The following ZNF616 variants were observed in gnomAD, a reference collection of about 807,000 sequenced individuals.
The protein encoded by ZNF616 is zinc finger protein 616.
ZNF616 carries 5 observed loss-of-function variants against 7.6 expected under a neutral mutation model. The ratio of observed to expected loss-of-function variants is 0.66; its 90% CI spans 0.34 to 1.38. ZNF616 has a LOEUF of 1.38. ZNF616 is among the 40% of genes most tolerant of loss of function. The pLI is 0.04. For synonymous variants in ZNF616, 319 were observed against 317.2 expected, an observed-to-expected ratio of 1.01 and a Z score of -0.06; for missense variants, 913 against 948.3, an observed-to-expected ratio of 0.96 and a Z score of 0.49.
rs141829596 is a variant in ZNF616 at position 52,115,079 on chromosome 19, G to T, written c.2085C>A (p.Gly695=). ...GKKPYKCDEC[G]KVFRHSSHLV... is the part of the protein sequence containing the mutation. ...GATGTGAACTATGCCTGAATACCTT[G>T]CCACATTCATCACATTTATATGGTT... The change falls in exon 4 of 4, where the codon GGC becomes GGA. Residue 695 remains glycine, a synonymous_variant. Transcript: ENST00000600228. 1.2e-6 allele frequency: 2 copies of T among 1,613,980 alleles called. No homozygotes were observed. The highest frequency in any genetic ancestry group is 1.7e-6 in the Non-Finnish European group (2 of 1,180,016).
intron 2 of ZNF616, among the ~76,000 whole-genome samples, chr19:52,128,515 G>A (rs971350382): frequency 1.3e-5 from 2 of 152,112 alleles, no homozygotes; most frequent in Admixed American, 6.5e-5. Context: ...GGCCAAAGCG[G>A]GTGGATCACC....
chr19:52,129,751 C>A (rs2088941312), intron 2 of ZNF616, among the ~76,000 whole-genome samples: 1 of 151,774 alleles, frequency 6.6e-6, no homozygotes. Context: ...TAAAATCAGG[C>A]AGAAAGATCT....
At chr19:52,126,641 G>A (rs1033500349) in intron 2 of ZNF616, among the ~76,000 whole-genome samples, 5 of 152,018 alleles carry the variant, frequency 3.3e-5, no homozygotes, top group African/African-American at 1.2e-4. Context: ...GGTGGCACGT[G>A]CCTGTAGTCC....
At chr19:52,137,053 G>GTGTATATATATATATATATATATATATA (rs958896902) in intron 1 of ZNF616, among the ~76,000 whole-genome samples, 50 of 143,706 alleles carry the variant, frequency 3.5e-4, no homozygotes, top group Middle Eastern at 3.7e-3. Context: ...TTATGTATGT[G>GTGTATATATATATATATATATATATATA]TATATATATA....
At chr19:52,121,078 T>G (rs1309167896) in intron 3 of ZNF616, among the ~76,000 whole-genome samples, 2 of 152,206 alleles carry the variant, frequency 1.3e-5, no homozygotes, top group Non-Finnish European at 2.9e-5. Flanking sequence ...TTGTTGAGGC[T>G]GAGTCTCGCT....
intron 2 of ZNF616, among the ~76,000 whole-genome samples, chr19:52,124,268 A>G (rs2088887917): frequency 6.6e-6 from 1 of 152,236 alleles, no homozygotes; most frequent in Non-Finnish European, 1.5e-5. Flanking sequence ...TTTGTGGACA[A>G]TACAAGAAAT....
intron 1 of ZNF616, among the ~76,000 whole-genome samples, chr19:52,138,293 T>C (rs2089030569): frequency 6.6e-6 from 1 of 152,224 alleles, no homozygotes; most frequent in African/African-American, 2.4e-5. Flanking sequence ...TGTGGCTAAA[T>C]AGGGATTCCA....
In ZNF616 at chr19:52,116,771, T is replaced by A; in HGVS notation, c.393A>T (p.Val131=). 6.2e-7 allele frequency: 1 copy of A among 1,614,216 alleles called. No individual in the cohort carries two copies. The highest frequency in any genetic ancestry group is 8.5e-7 in the Non-Finnish European group (1 of 1,180,034). Residue 131 remains valine (V), a synonymous_variant, in exon 4 of 4, where the codon GTA becomes GTT. Transcript: ENST00000600228. ...GKRDQHSQGD[V]ENNHIENQLT... ...GCTGGTTTTCAATATGATTGTTTTC[T>A]ACATCCCCTTGACTATGTTGATCTC...
At chr19:52,127,100 G>A (rs986158703) in intron 2 of ZNF616, among the ~76,000 whole-genome samples, 1 of 151,860 alleles carries the variant, frequency 6.6e-6, no homozygotes, top group African/African-American at 2.4e-5. Context: ...TGTCACCCAG[G>A]CAGGAGTGCA....
At chr19:52,128,820 G>T (rs1210938865) in intron 2 of ZNF616, among the ~76,000 whole-genome samples, 1 of 150,408 alleles carries the variant, frequency 6.6e-6, no homozygotes, top group Non-Finnish European at 1.5e-5. Flanking sequence ...TATATTTAAG[G>T]TATACAACAT....
Position 52,113,199 on chromosome 19 carries a change from GTAA to G in ZNF616, c.*1616_*1618del, listed in dbSNP as rs1476713643. The G allele has an allele frequency of 1.3e-5, 2 of 152,152 alleles. No individual in the cohort carries two copies. The highest frequency in any genetic ancestry group is 1.9e-4 in the East Asian group (1 of 5,188). The allele number at this position is 152,152 out of a possible 1,614,324, so 9.4% of individuals were successfully genotyped here. A position where few individuals can be genotyped will look rare whatever the true frequency, so the allele number is the denominator to read the frequency against. The stretch of plus-strand genomic sequence containing the variant: ...ACAAATGTTGTCTGGTAGTTATTCT[GTAA>G]TAATATTCCAGGCCAATCTTGGAGA... On this transcript the variant is annotated 3_prime_UTR_variant, in exon 4 of 4. Transcript: ENST00000600228.
intron 2 of ZNF616, among the ~76,000 whole-genome samples, chr19:52,128,953 T>C (rs2088933888): frequency 6.6e-6 from 1 of 151,776 alleles, no homozygotes; most frequent in Admixed American, 6.6e-5. Flanking sequence ...TAAAATCTCA[T>C]TTAGCATGAA....
At chr19:52,122,532 T>C (rs1343915697) in intron 3 of ZNF616, 1 of 152,066 alleles carries the variant, frequency 6.6e-6, no homozygotes, top group African/African-American at 2.4e-5. Flanking sequence ...ATGACCAATC[T>C]CTTTCATGGT....
chr19:52,132,617 CCTCA>C (rs2088970437), intron 1 of ZNF616, among the ~76,000 whole-genome samples: 2 of 152,112 alleles, frequency 1.3e-5, no homozygotes. Flanking sequence ...GCGCCTCCCC[CCTCA>C]CTCTCTCTTG....
At chr19:52,125,364 C>T (rs1231118813) in intron 2 of ZNF616, among the ~76,000 whole-genome samples, 8 of 152,156 alleles carry the variant, frequency 5.3e-5, no homozygotes, top group Non-Finnish European at 4.4e-5. Flanking sequence ...CCAACGGTGG[C>T]GTAGACACAG....
intron 2 of ZNF616, among the ~76,000 whole-genome samples, chr19:52,127,344 C>T (rs2088918617): frequency 6.6e-6 from 1 of 152,150 alleles, no homozygotes; most frequent in South Asian, 2.1e-4. Context: ...TGTGAGCCAC[C>T]ACACCCGGCC....
chr19:52,134,662 G>T (rs562286903), intron 1 of ZNF616, among the ~76,000 whole-genome samples: 1 of 152,156 alleles, frequency 6.6e-6, no homozygotes, highest in Admixed American at 6.5e-5. Flanking sequence ...ATTTTTTAGT[G>T]TGTAGGAGAA....
In ZNF616 at chr19:52,115,668, C is replaced by T. The variant is rs1403693242; in HGVS notation, c.1496G>A (p.Gly499Asp). 4 of 1,614,170 alleles carry T rather than the reference C, an allele frequency of 2.5e-6. No individual in the cohort carries two copies. Among genetic ancestry groups the T allele is most frequent in the Admixed American group, 1.7e-5 (1 of 60,020 alleles). Residue 499 changes from glycine to aspartate, a missense_variant, in exon 4 of 4, where the codon GGC becomes GAC. Transcript: ENST00000600228. ...ACGTGAATGTTGACTGAAGACCTTG[C>T]CACATTCATTGCATTTGTAAGGTTT... The part of the protein sequence containing the change: ...GEKPYKCNEC[G>D]KVFSQHSRLA...
chr19:52,134,154 A>G (rs1338242708), intron 1 of ZNF616, among the ~76,000 whole-genome samples: 1 of 152,180 alleles, frequency 6.6e-6, no homozygotes, highest in Non-Finnish European at 1.5e-5. Context: ...ACATTAGCAA[A>G]CTGACCCTTG....
Sources: allele counts gnomAD v4.1 joint callset (sites outside exome capture counted in the v4.1 genomes callset), GRCh38; gene constraint gnomAD v4.1.1; transcripts MANE v1.5; gene names NCBI Gene and HGNC (gene_info 2026-07-23, HGNC 2026-07-21).